FRMD4A: variants seen among roughly 807,000 people sequenced by gnomAD.
The protein encoded by FRMD4A is FERM domain containing 4A, also known as FERM domain-containing protein 4A.
In FRMD4A, 29 loss-of-function variants were observed where a neutral mutation model predicts 129.1. The ratio of observed to expected loss-of-function variants is 0.22; its 90% CI spans 0.17 to 0.31. The LOEUF (loss-of-function observed/expected upper bound fraction) is 0.31, where lower values mean the gene tolerates loss of function less well. Ranked by LOEUF, FRMD4A falls within the 10% of genes least tolerant of loss-of-function variation. The pLI is 1.00. For synonymous variants in FRMD4A, 634 were observed against 571.6 expected (o/e 1.11, Z -1.56); for missense variants, 1,272 against 1,375.8 (o/e 0.92, Z 1.19).
chr10:13,853,768 G>T (rs1354914113), intron 3 of FRMD4A, among the ~76,000 whole-genome samples: 1 of 141,430 alleles, frequency 7.1e-6, no homozygotes, highest in African/African-American at 2.7e-5. Context: ...GGAAGTGGAG[G>T]TTGCAGTGAG....
At chr10:14,073,080 C>T (rs550388718) in intron 2 of FRMD4A, among the ~76,000 whole-genome samples, 8 of 152,294 alleles carry the variant, frequency 5.3e-5, no homozygotes, top group South Asian at 2.1e-4. Flanking sequence ...ACATACACTA[C>T]GAGAACCCCT....
rs529559194 is a variant in FRMD4A at position 14,085,700 on chromosome 10, C to T, written c.46-226788G>A. Among the ~76,000 whole-genome samples the T allele has an allele frequency of 7.9e-5, 12 of 152,326 alleles. No individual in the cohort carries two copies. In the South Asian group the frequency reaches 1.9e-3, roughly 24 times the overall value. ...GCAACTATCTTCCCATCTTCATTTG[C>T]GCTCGCTGTCCTGTGGAAACCTCCT... On this transcript the variant is annotated intron_variant, in intron 2 of 24. Transcript: ENST00000357447.
At chr10:14,173,861 G>A (rs777244012) in intron 2 of FRMD4A, among the ~76,000 whole-genome samples, 2 of 151,808 alleles carry the variant, frequency 1.3e-5, no homozygotes, top group Non-Finnish European at 2.9e-5. Context: ...TCGCGCTGCC[G>A]TGCAGGCAAG....
chr10:13,649,273 A>G (rs967432492), intron 24 of FRMD4A: 1 of 147,366 alleles, frequency 6.8e-6, no homozygotes, highest in African/African-American at 2.5e-5. Flanking sequence ...CATTGAGTTC[A>G]AAGCAGTGAT....
At chr10:14,097,516 C>T (rs1383412771) in intron 2 of FRMD4A, among the ~76,000 whole-genome samples, 5 of 151,904 alleles carry the variant, frequency 3.3e-5, no homozygotes, top group Admixed American at 6.6e-5. Context: ...TCTGCCTTAC[C>T]GAGGAGGAAA....
intron 2 of FRMD4A, among the ~76,000 whole-genome samples, chr10:14,001,053 A>G (rs1377261569): frequency 6.6e-6 from 1 of 152,168 alleles, no homozygotes; most frequent in Non-Finnish European, 1.5e-5. Flanking sequence ...ATGTAAAGTC[A>G]CCAGAAAACA....
chr10:13,715,905 CA>C (rs61600242), intron 12 of FRMD4A, among the ~76,000 whole-genome samples: 11,669 of 125,238 alleles, frequency 0.093, 458 homozygotes, highest in Non-Finnish European at 0.11. Flanking sequence ...ACTCCCCCCT[CA>C]AAAAAAAAAA....
At chr10:14,297,944 T>C (rs981153080) in intron 2 of FRMD4A, among the ~76,000 whole-genome samples, 5 of 152,170 alleles carry the variant, frequency 3.3e-5, no homozygotes, top group African/African-American at 1.2e-4. Context: ...CAGCAATTAA[T>C]GTTATCTCTC....
At position 13,771,960 on chromosome 10, in the gene FRMD4A, AC is replaced by A. The variant is rs1331762537; in HGVS notation, c.385-9281del. On this transcript the variant is annotated intron_variant, in intron 6 of 24. Transcript: ENST00000357447. Reference sequence around the variant, plus strand: ...AAACAAAACAAAACACACAAAAAAAACAAATTAGCTGGGTGTGGTGTCGCAT... The same window carrying A: ...AAACAAAACAAAACACACAAAAAAAAAAATTAGCTGGGTGTGGTGTCGCAT... 4.0e-5 allele frequency among the ~76,000 whole-genome samples: 6 copies of A among 151,380 alleles called. No individual in the cohort carries two copies. The East Asian group carries it at 1.2e-3, about 29-fold the overall frequency.
At chr10:14,208,859 G>A (rs1842858752) in intron 2 of FRMD4A, among the ~76,000 whole-genome samples, 1 of 152,108 alleles carries the variant, frequency 6.6e-6, no homozygotes, top group African/African-American at 2.4e-5. Context: ...AAAGGGTGAT[G>A]GGCACTGAAA....
rs1184269199 is a variant in FRMD4A, at chr10:13,679,426, C to CAAAAAAAA, written c.1118-4390_1118-4383dup. Reference sequence around the variant, plus strand: ...TGGGTGACAGAGTGAGACTCTGTCTCAAAAAAAAAAAAAAAAAAAAAAAAA... The same window carrying CAAAAAAAA: ...TGGGTGACAGAGTGAGACTCTGTCTCAAAAAAAAAAAAAAAAAAAAAAAAAAAAAAAAA... On this transcript the variant is annotated intron_variant, in intron 15 of 24. Coordinates refer to ENST00000357447, the MANE Select transcript of FRMD4A (RefSeq NM_018027.5). Among the ~76,000 whole-genome samples the CAAAAAAAA allele has an allele frequency of 2.3e-4, 2 of 8,602 alleles. 1 individual carries two copies. The highest frequency in any genetic ancestry group is 0.012 in the East Asian group (2 of 166). 5.6% of individuals were successfully genotyped at this position (8,602 alleles called of 152,430 possible).
chr10:13,827,271 A>G (rs543425688), intron 3 of FRMD4A, among the ~76,000 whole-genome samples: 129 of 152,320 alleles, frequency 8.5e-4, no homozygotes, highest in African/African-American at 2.9e-3. Context: ...ACACAGTTTC[A>G]GAGAAAACCA....
At position 13,798,431 on chromosome 10, in the gene FRMD4A, G is replaced by A. The variant is rs529250284; in HGVS notation, c.207-1843C>T. ...TCAAGAAAAAATAAATAAATAGGAC[G>A]GGCGTGGTGGCTCACGCCTGTACGC... On this transcript the variant is annotated intron_variant, in intron 4 of 24. Coordinates refer to ENST00000357447, the MANE Select transcript of FRMD4A (RefSeq NM_018027.5). Among the ~76,000 whole-genome samples the A allele has an allele frequency of 5.9e-5, 9 of 151,778 alleles. No individual in the cohort carries two copies. The East Asian group carries it at 1.6e-3, about 26-fold the overall frequency.
chr10:13,873,226 C>T (rs1445698538), intron 2 of FRMD4A, among the ~76,000 whole-genome samples: 3 of 146,776 alleles, frequency 2.0e-5, no homozygotes, highest in Non-Finnish European at 1.5e-5. Context: ...AGATGGAGAC[C>T]CCAGACAGAC....
At chr10:13,872,748 T>G (rs2094451364) in intron 2 of FRMD4A, among the ~76,000 whole-genome samples, 1 of 152,196 alleles carries the variant, frequency 6.6e-6, no homozygotes, top group Admixed American at 6.5e-5. Context: ...CTGGCTTCAG[T>G]ATGAGTGACA....
In FRMD4A at chr10:14,180,989, G is replaced by A. The variant is rs556652826; in HGVS notation, c.45+149069C>T. Among the ~76,000 whole-genome samples, 38 of 152,296 alleles carry A rather than the reference G, an allele frequency of 2.5e-4. No individual in the cohort carries two copies. The South Asian group carries it at 4.6e-3, about 18-fold the overall frequency. The stretch of plus-strand genomic sequence containing the variant: ...GTTCTATGCCTTGATCAGTCATCTC[G>A]TCTTTATGATCTTTTAGACTCTGCC... On this transcript the variant is annotated intron_variant, in intron 2 of 24. Coordinates refer to ENST00000357447, the MANE Select transcript of FRMD4A (RefSeq NM_018027.5).
At chr10:13,796,668 G>A in intron 4 of FRMD4A, 80 bp from the exon 5 acceptor site, 1 of 743,986 alleles carries the variant, frequency 1.3e-6, no homozygotes, top group Non-Finnish European at 2.5e-6. Flanking sequence ...ATATGAAGCA[G>A]AACGTGCTGG....
chr10:13,758,025 T>C (rs1196104219), intron 8 of FRMD4A, among the ~76,000 whole-genome samples: 2 of 152,248 alleles, frequency 1.3e-5, no homozygotes, highest in Admixed American at 1.3e-4. Context: ...ATTACAGGCA[T>C]GAGCCACCAC....
chr10:14,328,553 C>T (rs1170302915), intron 2 of FRMD4A, among the ~76,000 whole-genome samples: 3 of 151,070 alleles, frequency 2.0e-5, no homozygotes, highest in Non-Finnish European at 1.5e-5. Flanking sequence ...TTCAAGAAAA[C>T]TTTTCTCCTC....
Sources: allele counts gnomAD v4.1 joint callset (sites outside exome capture counted in the v4.1 genomes callset), GRCh38; gene constraint gnomAD v4.1.1; transcripts MANE v1.5; gene names NCBI Gene and HGNC (gene_info 2026-07-23, HGNC 2026-07-21).